The following ARB2A variants were observed in gnomAD, a reference collection of about 807,000 sequenced individuals.
ARB2A encodes cotranscriptional regulator ARB2A.
At chr5:93,840,094 T>G in the ARB2A span, among the ~76,000 whole-genome samples, 1 of 152,282 alleles carries the variant, frequency 6.6e-6, no homozygotes, top group South Asian at 2.1e-4. Flanking sequence ...TTCCTTGAGG[T>G]TAGGTTAATT....
the ARB2A span, among the ~76,000 whole-genome samples, chr5:94,069,785 T>A: frequency 1.3e-5 from 2 of 151,822 alleles, no homozygotes; most frequent in African/African-American, 4.8e-5. Context: ...AGACAAAAAA[T>A]AACAGAAGCT....
the ARB2A span, among the ~76,000 whole-genome samples, chr5:93,773,473 C>T: frequency 1.3e-5 from 2 of 152,184 alleles, no homozygotes; most frequent in South Asian, 4.1e-4. Context: ...ACTATGATCA[C>T]CTAATTCAGG....
the ARB2A span, among the ~76,000 whole-genome samples, chr5:93,656,952 C>G: frequency 2.0e-5 from 3 of 152,112 alleles, no homozygotes. Flanking sequence ...TCACTCCCCA[C>G]CAGGGGTTAG....
the ARB2A span, among the ~76,000 whole-genome samples, chr5:94,003,581 C>A: frequency 6.6e-6 from 1 of 151,752 alleles, no homozygotes; most frequent in Non-Finnish European, 1.5e-5. Flanking sequence ...CAATAAAACA[C>A]ACTGAATTTT....
the ARB2A span, among the ~76,000 whole-genome samples, chr5:93,944,229 A>G: frequency 6.6e-6 from 1 of 152,098 alleles, no homozygotes; most frequent in Non-Finnish European, 1.5e-5. Context: ...TTAAAAAAAT[A>G]TTTAATTAAA....
At chr5:93,916,659 T>C in the ARB2A span, among the ~76,000 whole-genome samples, 4 of 152,144 alleles carry the variant, frequency 2.6e-5, no homozygotes, top group African/African-American at 4.8e-5. Context: ...AGATAGCTTA[T>C]GTAAATTATT....
the ARB2A span, among the ~76,000 whole-genome samples, chr5:93,897,256 A>G: frequency 1.4e-4 from 21 of 152,194 alleles, no homozygotes; most frequent in South Asian, 2.9e-3. Flanking sequence ...AGTAGAAGCT[A>G]CAACATAAAG....
chr5:93,808,140 A>T, the ARB2A span, among the ~76,000 whole-genome samples: 1 of 152,046 alleles, frequency 6.6e-6, no homozygotes, highest in African/African-American at 2.4e-5. Flanking sequence ...GGCTTCAGAC[A>T]GTAAATATAT....
the ARB2A span, among the ~76,000 whole-genome samples, chr5:93,630,658 G>C: frequency 6.6e-6 from 1 of 152,124 alleles, no homozygotes; most frequent in Admixed American, 6.5e-5. Flanking sequence ...TAAGATTCAG[G>C]GAAGACGGGT....
the ARB2A span, among the ~76,000 whole-genome samples, chr5:93,867,160 A>G: frequency 5.3e-5 from 8 of 152,218 alleles, no homozygotes; most frequent in Admixed American, 3.9e-4. Flanking sequence ...GTGTTTTAAA[A>G]AAGTATTAAT....
the ARB2A span, among the ~76,000 whole-genome samples, chr5:93,697,061 C>CAAA: frequency 7.7e-5 from 6 of 78,232 alleles, no homozygotes; most frequent in African/African-American, 1.9e-4. Flanking sequence ...GACTCCATCT[C>CAAA]AAAAAAAAAA....
chr5:93,966,216 A>G, the ARB2A span, among the ~76,000 whole-genome samples: 1 of 152,116 alleles, frequency 6.6e-6, no homozygotes, highest in Non-Finnish European at 1.5e-5. Flanking sequence ...AAAATATCCT[A>G]CTATCTATGA....
chr5:93,677,978 A>T, the ARB2A span, among the ~76,000 whole-genome samples: 1 of 152,208 alleles, frequency 6.6e-6, no homozygotes, highest in African/African-American at 2.4e-5. Flanking sequence ...AGTGAGCATG[A>T]TCGCAAAGCA....
At chr5:93,626,026 G>T in the ARB2A span, among the ~76,000 whole-genome samples, 1 of 152,270 alleles carries the variant, frequency 6.6e-6, no homozygotes, top group Non-Finnish European at 1.5e-5. Context: ...TGCGGGGGCA[G>T]GGGCAAAAAG....
the ARB2A span, among the ~76,000 whole-genome samples, chr5:93,932,137 C>T: frequency 4.6e-5 from 7 of 152,106 alleles, no homozygotes; most frequent in Non-Finnish European, 8.8e-5. Flanking sequence ...GCCACATGAA[C>T]GCTTCTACTA....
At chr5:93,906,628 A>C in the ARB2A span, among the ~76,000 whole-genome samples, 7 of 151,586 alleles carry the variant, frequency 4.6e-5, no homozygotes, top group Non-Finnish European at 7.4e-5. Flanking sequence ...AAAAATTCTT[A>C]GTATATGCTA....
the ARB2A span, among the ~76,000 whole-genome samples, chr5:93,809,337 T>C: frequency 6.6e-6 from 1 of 152,008 alleles, no homozygotes; most frequent in Non-Finnish European, 1.5e-5. Context: ...TGACATGCAG[T>C]TTACCCATGT....
the ARB2A span, among the ~76,000 whole-genome samples, chr5:93,625,570 A>G: frequency 6.6e-6 from 1 of 152,332 alleles, no homozygotes; most frequent in East Asian, 1.9e-4. Context: ...CAATGAAAAT[A>G]CTACCCTGAA....
chr5:93,960,010 T>C, the ARB2A span, among the ~76,000 whole-genome samples: 1 of 148,622 alleles, frequency 6.7e-6, no homozygotes, highest in Non-Finnish European at 1.5e-5. Flanking sequence ...TGTAACGTAA[T>C]AGCTCTTCAC....
Sources: allele counts gnomAD v4.1 joint callset (sites outside exome capture counted in the v4.1 genomes callset), GRCh38; gene constraint gnomAD v4.1.1; transcripts MANE v1.5; gene names NCBI Gene and HGNC (gene_info 2026-07-23, HGNC 2026-07-21).